Variants in RNF13 observed in about 807,000 individuals in gnomAD.
RNF13 encodes the protein ring finger protein 13.
Under a neutral mutation model 37.7 loss-of-function variants are expected in RNF13, and 19 were observed. The ratio of observed to expected loss-of-function variants is 0.50; its 90% CI spans 0.35 to 0.74. RNF13 has a LOEUF of 0.74. RNF13 is among the 30% of genes least tolerant of loss of function. The pLI is 0.01. For missense variants in RNF13, 375 were observed against 453.0 expected (o/e 0.83, Z 1.56); for synonymous variants, 144 against 157.8 (o/e 0.91, Z 0.65).
chr3:149,951,239 G>T (rs1278183226), intron 8 of RNF13, among the ~76,000 whole-genome samples: 1 of 152,124 alleles, frequency 6.6e-6, no homozygotes, highest in African/African-American at 2.4e-5. Context: ...GCTAAGTTGT[G>T]ACTCTTTGTA....
intron 4 of RNF13, among the ~76,000 whole-genome samples, chr3:149,882,069 A>ACT (rs1713481205): frequency 6.6e-6 from 1 of 152,112 alleles, no homozygotes; most frequent in Admixed American, 6.5e-5. Context: ...AACTATTAGT[A>ACT]GAGTACCAGT....
intron 8 of RNF13, among the ~76,000 whole-genome samples, chr3:149,942,174 T>C (rs1720347624): frequency 6.6e-6 from 1 of 152,100 alleles, no homozygotes; most frequent in African/African-American, 2.4e-5. Flanking sequence ...CTTTTCAAGA[T>C]TGTTTTGGCT....
rs1206607779 is a variant in RNF13 at position 149,907,687 on chromosome 3, A to G, written c.501-4291A>G. Among the ~76,000 whole-genome samples, 13 of 152,234 alleles carry G rather than the reference A, an allele frequency of 8.5e-5. 1 individual carries two copies. Among genetic ancestry groups the G allele is most frequent in the Admixed American group, 5.9e-4 (9 of 15,288 alleles). On this transcript the variant is annotated intron_variant, in intron 6 of 9. Transcript: ENST00000392894. ...TGTGAACAATAATAGAACCTACAGC[A>G]TATAGCATTGCTGGAAGGATTAAAC...
At chr3:149,935,149 T>G (rs1719547873) in intron 8 of RNF13, among the ~76,000 whole-genome samples, 1 of 152,182 alleles carries the variant, frequency 6.6e-6, no homozygotes, top group Admixed American at 6.5e-5. Context: ...TTTGGGTCTC[T>G]TTTTAAGTGT....
chr3:149,920,973 T>C (rs1336600197), intron 7 of RNF13, among the ~76,000 whole-genome samples, 161 bp from the exon 8 acceptor site: 1 of 152,150 alleles, frequency 6.6e-6, no homozygotes, highest in Non-Finnish European at 1.5e-5. Flanking sequence ...ACTAATGTAA[T>C]TTAATGCTTT....
intron 6 of RNF13, among the ~76,000 whole-genome samples, chr3:149,905,007 T>G (rs55736612): frequency 0.026 from 4,035 of 152,298 alleles, 68 homozygotes; most frequent in South Asian, 0.036. Flanking sequence ...CCCCTGTTGA[T>G]CAGCATTTGA....
intron 1 of RNF13, among the ~76,000 whole-genome samples, chr3:149,844,532 C>G (rs1010885336): frequency 6.6e-6 from 1 of 152,174 alleles, no homozygotes; most frequent in African/African-American, 2.4e-5. Context: ...GTATTCAGCA[C>G]AAACCACATT....
chr3:149,823,386 A>T (rs1209730923), intron 1 of RNF13, among the ~76,000 whole-genome samples: 2 of 152,164 alleles, frequency 1.3e-5, no homozygotes, highest in African/African-American at 4.8e-5. Flanking sequence ...TAACACCAAC[A>T]AAAGACCAAA....
rs184810329 is a variant in RNF13, at chr3:149,930,766, G to C, written c.700+9539G>C. On this transcript the variant is annotated intron_variant, in intron 8 of 9. Transcript: ENST00000392894. Reference sequence around the variant, plus strand: ...AGACCTAGGCCTATTCAGATTGTACGTTTCTTTTTGTGTGGCTTTCGGCAG... The same window carrying C: ...AGACCTAGGCCTATTCAGATTGTACCTTTCTTTTTGTGTGGCTTTCGGCAG... Among the ~76,000 whole-genome samples, 3 of 152,212 alleles carry C rather than the reference G, an allele frequency of 2.0e-5. No homozygotes were observed. In the East Asian group the frequency reaches 5.8e-4, roughly 29 times the overall value.
At chr3:149,885,081 AGTACTCCATT>A (rs1436639238) in intron 4 of RNF13, among the ~76,000 whole-genome samples, 1 of 152,158 alleles carries the variant, frequency 6.6e-6, no homozygotes, top group Admixed American at 6.5e-5. Context: ...ATGGCTGAAT[AGTACTCCATT>A]GTGTCTAAGT....
intron 5 of RNF13, among the ~76,000 whole-genome samples, chr3:149,896,842 A>G (rs1045692949): frequency 3.9e-5 from 6 of 152,122 alleles, no homozygotes; most frequent in Non-Finnish European, 8.8e-5. Context: ...AGTAAAATTT[A>G]TTAATACATT....
chr3:149,946,181 C>G (rs1308304396), intron 8 of RNF13, among the ~76,000 whole-genome samples: 2 of 152,170 alleles, frequency 1.3e-5, no homozygotes, highest in Admixed American at 1.3e-4. Context: ...AAAGATTAGA[C>G]AAATGGCTAA....
chr3:149,813,720 A>C (rs968487214), intron 1 of RNF13: 1 of 152,174 alleles, frequency 6.6e-6, no homozygotes, highest in Non-Finnish European at 1.5e-5. Context: ...GCTTGACTTT[A>C]GTTGAGGGGG....
intron 1 of RNF13, among the ~76,000 whole-genome samples, chr3:149,842,335 A>G (rs569205138): frequency 2.6e-5 from 4 of 152,254 alleles, no homozygotes; most frequent in East Asian, 1.9e-4. Context: ...TCTTCCTTCT[A>G]TGTTTCCTGT....
At chr3:149,857,442 TAGGTA>T (rs1723766340) in intron 3 of RNF13, among the ~76,000 whole-genome samples, 1 of 152,232 alleles carries the variant, frequency 6.6e-6, no homozygotes, top group Non-Finnish European at 1.5e-5. Flanking sequence ...TTTTTGTATC[TAGGTA>T]AGTCCTGTGT....
intron 1 of RNF13, among the ~76,000 whole-genome samples, chr3:149,829,331 C>T (rs1720814174): frequency 1.3e-5 from 2 of 152,092 alleles, no homozygotes; most frequent in South Asian, 4.1e-4. Flanking sequence ...AACTCCTGAC[C>T]TCGGGCGATC....
chr3:149,846,000 T>C lies in RNF13; in HGVS notation c.-16-11T>C. The C allele has an allele frequency of 6.8e-7, 1 of 1,476,856 alleles. No individual in the cohort carries two copies. The highest frequency in any genetic ancestry group is 9.4e-7 in the Non-Finnish European group (1 of 1,059,474). The allele number at this position is 1,476,856 out of a possible 1,614,324, so 91.5% of individuals were successfully genotyped here. On this transcript the variant is annotated splice_polypyrimidine_tract_variant and intron_variant, in intron 1 of 9. Coordinates refer to ENST00000392894, the MANE Select transcript of RNF13 (RefSeq NM_183381.3). ...CACCAGCTCTCAGTTACTCACATCC[T>C]TGTCTTCCAGGTGATTTTACAACGA... is the stretch of plus-strand genomic sequence containing the variant.
chr3:149,858,367 A>G (rs138637024), intron 3 of RNF13, among the ~76,000 whole-genome samples: 42 of 152,332 alleles, frequency 2.8e-4, no homozygotes, highest in African/African-American at 9.6e-4. Context: ...TAATTTAGTT[A>G]CACATTGAGG....
intron 4 of RNF13, among the ~76,000 whole-genome samples, chr3:149,889,286 A>AGTGTGTGTGTGT (rs1390991976): frequency 1.1e-4 from 5 of 45,336 alleles, no homozygotes; most frequent in African/African-American, 3.4e-4. Context: ...TCTGAATTTG[A>AGTGTGTGTGTGT]GTGTGCGTGT....
Sources: allele counts gnomAD v4.1 joint callset (sites outside exome capture counted in the v4.1 genomes callset), GRCh38; gene constraint gnomAD v4.1.1; transcripts MANE v1.5; gene names NCBI Gene and HGNC (gene_info 2026-07-23, HGNC 2026-07-21).